The following NEO1 variants were observed in gnomAD, a reference collection of about 807,000 sequenced individuals.
NEO1 encodes neogenin 1.
In NEO1, 63 loss-of-function variants were observed where a neutral mutation model predicts 159.7. The observed-to-expected ratio is 0.39, with a 90% CI of 0.32 to 0.49. The LOEUF (loss-of-function observed/expected upper bound fraction) is 0.49, where lower values mean the gene tolerates loss of function less well. Among genes scored for constraint, NEO1 ranks in the 20% least tolerant of loss-of-function variants. NEO1 has a pLI of 0.85. For synonymous variants in NEO1, 633 were observed against 662.0 expected (o/e 0.96, Z 0.67); for missense variants, 1,615 against 1,831.0 (o/e 0.88, Z 2.15).
rs189446768 is a variant in NEO1 at position 73,077,060 on chromosome 15, T to G, written c.130+24255T>G. Among the ~76,000 whole-genome samples the G allele has an allele frequency of 1.7e-3, 263 of 152,294 alleles. 1 individual carries two copies. The highest frequency in any genetic ancestry group is 5.9e-3 in the African/African-American group (246 of 41,556). On this transcript the variant is annotated intron_variant, in intron 1 of 28. Coordinates refer to ENST00000261908, the MANE Select transcript of NEO1 (RefSeq NM_002499.4). The stretch of plus-strand genomic sequence containing the variant: ...TTTTAAATTAATTAATTTATTTATT[T>G]TGAGACAGAGTCTCTCTCTCTGGCA...
chr15:73,235,814 G>T (rs1177806641), intron 7 of NEO1, among the ~76,000 whole-genome samples: 1 of 152,228 alleles, frequency 6.6e-6, no homozygotes, highest in Non-Finnish European at 1.5e-5. Flanking sequence ...CTGCAGTGAA[G>T]TCACAATAGC....
rs376778757 is a variant in NEO1, at chr15:73,218,763, G to A, written c.1292-17584G>A. Among the ~76,000 whole-genome samples, 272 of 152,172 alleles carry A rather than the reference G, an allele frequency of 1.8e-3. 3 individuals carry two copies. The highest frequency in any genetic ancestry group is 0.013 in the South Asian group (61 of 4,814). On this transcript the variant is annotated intron_variant, in intron 7 of 28. Transcript: ENST00000261908. ...TGGTAGTTTGTATTTCTGTGGGATC[G>A]GTGGTGATATCCCCTTTATCATTTT... is the stretch of plus-strand genomic sequence containing the variant.
intron 7 of NEO1, among the ~76,000 whole-genome samples, chr15:73,202,514 A>G (rs1366888136): frequency 6.6e-6 from 1 of 152,100 alleles, no homozygotes; most frequent in Admixed American, 6.5e-5. Flanking sequence ...TTTACAAGTT[A>G]CCTTACCCAG....
In NEO1 at chr15:73,262,461, A is replaced by G. The variant is rs2040663152; in HGVS notation, c.2398+1996A>G. 2.6e-5 allele frequency among the ~76,000 whole-genome samples: 4 copies of G among 152,202 alleles called. No homozygotes were observed. The South Asian group carries it at 6.2e-4, about 24-fold the overall frequency. On this transcript the variant is annotated intron_variant, in intron 15 of 28. Transcript: ENST00000261908. The stretch of plus-strand genomic sequence containing the variant: ...TGGGCAGGAGATTTGAACAGACACT[A>G]TACCAAAGAAAATATATGAGTGGAC...
chr15:73,249,302 G>A lies in NEO1; in HGVS notation c.1755+94G>A, dbSNP rs183470699. 11 of 1,330,440 alleles carry A rather than the reference G, an allele frequency of 8.3e-6. No homozygotes were observed. In the Admixed American group the frequency reaches 1.1e-4, roughly 13 times the overall value. The allele number at this position is 1,330,440 out of a possible 1,614,324, so 82.4% of individuals were successfully genotyped here. On this transcript the variant is annotated intron_variant, in intron 10 of 28. Coordinates refer to ENST00000261908, the MANE Select transcript of NEO1 (RefSeq NM_002499.4). ...AGTAGTTGCTTGACTGGAAATGTGA[G>A]GGGGAAAAAGAAACATAGGAAATGA...
chr15:73,223,432 G>C (rs1316957529), intron 7 of NEO1, among the ~76,000 whole-genome samples: 1 of 152,100 alleles, frequency 6.6e-6, no homozygotes, highest in Non-Finnish European at 1.5e-5. Flanking sequence ...TCTTAGGTCT[G>C]TTAGTAATTG....
At chr15:73,085,001 A>T (rs2069274898) in intron 1 of NEO1, among the ~76,000 whole-genome samples, 1 of 152,148 alleles carries the variant, frequency 6.6e-6, no homozygotes. Flanking sequence ...AACTGGATGG[A>T]TAGTGGTAGT....
chr15:73,200,202 TAA>T (rs536183360), intron 7 of NEO1, among the ~76,000 whole-genome samples: 55 of 152,306 alleles, frequency 3.6e-4, no homozygotes, highest in Admixed American at 3.1e-3. Context: ...AATTATTGAT[TAA>T]GTTTGTTTAA....
intron 11 of NEO1, among the ~76,000 whole-genome samples, chr15:73,251,381 G>A (rs1187219624): frequency 1.3e-5 from 2 of 151,802 alleles, no homozygotes; most frequent in African/African-American, 4.8e-5. Flanking sequence ...GGCATTAGTG[G>A]CACACACCTT....
intron 7 of NEO1, among the ~76,000 whole-genome samples, chr15:73,184,513 A>T (rs2035805006): frequency 6.6e-6 from 1 of 152,230 alleles, no homozygotes; most frequent in African/African-American, 2.4e-5. Flanking sequence ...GTCCACACAA[A>T]ACCCCTCAAA....
At chr15:73,158,316 T>C (rs183038084) in intron 5 of NEO1, among the ~76,000 whole-genome samples, 5 of 151,776 alleles carry the variant, frequency 3.3e-5, no homozygotes, top group Admixed American at 2.0e-4. Flanking sequence ...TGGCATTTCA[T>C]TGACTTTACA....
At chr15:73,293,885 G>T (rs2042253020) in intron 26 of NEO1, among the ~76,000 whole-genome samples, 1 of 152,034 alleles carries the variant, frequency 6.6e-6, no homozygotes, top group African/African-American at 2.4e-5. Flanking sequence ...CTCATCCTGG[G>T]TGATTTCAGA....
intron 7 of NEO1, among the ~76,000 whole-genome samples, chr15:73,182,268 TG>T (rs2151973138): frequency 6.6e-6 from 1 of 152,172 alleles, no homozygotes; most frequent in East Asian, 1.9e-4. Flanking sequence ...AAGATTTGGG[TG>T]GGGACACATC....
At chr15:73,239,772 A>C (rs142164202) in intron 8 of NEO1, among the ~76,000 whole-genome samples, 9 of 152,312 alleles carry the variant, frequency 5.9e-5, no homozygotes, top group Non-Finnish European at 1.3e-4. Context: ...CACGTGATGC[A>C]TTTGTCAGAA....
At chr15:73,094,370 G>A (rs1023835710) in intron 1 of NEO1, among the ~76,000 whole-genome samples, 9 of 152,140 alleles carry the variant, frequency 5.9e-5, no homozygotes, top group Non-Finnish European at 8.8e-5. Flanking sequence ...TTCAAGGTTC[G>A]TCCATGTTGT....
chr15:73,275,828 G>A (rs148467837), intron 21 of NEO1, among the ~76,000 whole-genome samples: 17 of 152,256 alleles, frequency 1.1e-4, no homozygotes, highest in African/African-American at 4.1e-4. Context: ...GTCAGCTAAT[G>A]CTAGTATGTT....
At chr15:73,093,799 G>C (rs1244859159) in intron 1 of NEO1, among the ~76,000 whole-genome samples, 5 of 151,960 alleles carry the variant, frequency 3.3e-5, no homozygotes, top group Non-Finnish European at 7.4e-5. Context: ...GGCTGGTCTC[G>C]AACTCCTAAG....
intron 4 of NEO1, among the ~76,000 whole-genome samples, chr15:73,134,460 A>G (rs1257652903): frequency 1.3e-5 from 2 of 152,236 alleles, no homozygotes; most frequent in African/African-American, 4.8e-5. Context: ...AATTTAAGCC[A>G]GACTAGCACT....
intron 13 of NEO1, 34 bp from the exon 14 acceptor site, chr15:73,258,732 T>G: frequency 6.4e-7 from 1 of 1,555,162 alleles, no homozygotes; most frequent in Non-Finnish European, 8.9e-7. Flanking sequence ...CCAAAGCTCT[T>G]GTTTCAGTTG....
Sources: allele counts gnomAD v4.1 joint callset (sites outside exome capture counted in the v4.1 genomes callset), GRCh38; gene constraint gnomAD v4.1.1; transcripts MANE v1.5; gene names NCBI Gene and HGNC (gene_info 2026-07-23, HGNC 2026-07-21).